The following NEK7 variants were observed in gnomAD, a reference collection of about 807,000 sequenced individuals.
NEK7 encodes serine/threonine-protein kinase Nek7.
A neutral mutation model predicts 44.6 loss-of-function variants in NEK7; 18 were observed. The observed-to-expected ratio is 0.40, with a 90% confidence interval of 0.28 to 0.60. The LOEUF (loss-of-function observed/expected upper bound fraction) is 0.60. NEK7 is among the 20% of genes least tolerant of loss of function. The pLI, the probability that NEK7 is intolerant of heterozygous loss-of-function variation, is 0.38. For missense variants in NEK7, 256 were observed against 366.5 expected (o/e 0.70, Z 2.46); for synonymous variants, 130 against 121.1 (o/e 1.07, Z -0.48).
chr1:198,302,353 C>CTT (rs76569998), intron 9 of NEK7, among the ~76,000 whole-genome samples: 50 of 139,196 alleles, frequency 3.6e-4, no homozygotes, highest in African/African-American at 1.3e-3. Context: ...TGTCCCTCTC[C>CTT]TTTTTTTTTT....
intron 8 of NEK7, 99 bp downstream of exon 8, chr1:198,293,138 A>C: frequency 3.1e-6 from 2 of 635,196 alleles, no homozygotes; most frequent in Non-Finnish European, 5.4e-6. Flanking sequence ...GATGTTTAAG[A>C]ATCACCTTTT....
At chr1:198,205,452 G>C (rs544078943) in intron 1 of NEK7, among the ~76,000 whole-genome samples, 1 of 152,256 alleles carries the variant, frequency 6.6e-6, no homozygotes, top group South Asian at 2.1e-4. Context: ...GAGGTGTTGA[G>C]TGGCCCAAGC....
At chr1:198,295,460 G>A (rs1654686347) in intron 8 of NEK7, among the ~76,000 whole-genome samples, 6 of 152,052 alleles carry the variant, frequency 3.9e-5, no homozygotes, top group Admixed American at 3.3e-4. Flanking sequence ...TGGGAGGAGA[G>A]GGCGAGCAGC....
At chr1:198,231,338 A>ATAT (rs1399954083) in intron 1 of NEK7, among the ~76,000 whole-genome samples, 174 of 112,592 alleles carry the variant, frequency 1.5e-3, no homozygotes, top group African/African-American at 2.4e-3. Flanking sequence ...TATATATATA[A>ATAT]AAACACATGA....
Position 198,319,483 on chromosome 1 carries a change from C to A in NEK7, c.870C>A (p.Asp290Glu). ...GACCAGACGTCACCTATGTTTATGA[C>A]GTAGCAAAGAGGATGCATGCATGCA... ...EKRPDVTYVY[D>E]VAKRMHACTA... The change falls in exon 10 of 10, where the codon GAC (aspartate) becomes GAA (glutamate). Residue 290 changes from aspartate (D) to glutamate (E), a missense_variant. Asp to Glu is a conservative substitution (Grantham distance 45). Around this residue, in one of 3 missense-constraint regions of NEK7, gnomAD observed 58 missense variants for 66.5 expected, o/e 0.87. Coordinates refer to ENST00000367385, the MANE Select transcript of NEK7 (RefSeq NM_133494.3). The A allele has an allele frequency of 3.7e-6, 6 of 1,612,794 alleles. No homozygotes were observed. The highest frequency in any genetic ancestry group is 5.1e-6 in the Non-Finnish European group (6 of 1,179,144).
intron 1 of NEK7, among the ~76,000 whole-genome samples, chr1:198,229,520 G>C (rs1265259867): frequency 6.6e-6 from 1 of 152,104 alleles, no homozygotes; most frequent in Non-Finnish European, 1.5e-5. Context: ...TTGTGGGACT[G>C]AGCCCTTAAC....
intron 5 of NEK7, among the ~76,000 whole-genome samples, chr1:198,264,905 G>A (rs931033608): frequency 2.0e-5 from 3 of 151,958 alleles, no homozygotes; most frequent in Admixed American, 6.6e-5. Flanking sequence ...TAGGATTGTT[G>A]TAATGATTGA....
Position 198,293,047 on chromosome 1 carries a change from A to C in NEK7, c.684+8A>C, listed in dbSNP as rs770889165. 9 of 1,375,218 alleles carry C rather than the reference A, an allele frequency of 6.5e-6. No homozygotes were observed. Among genetic ancestry groups the C allele is most frequent in the Middle Eastern group, 3.6e-4 (2 of 5,610 alleles). The allele number at this position is 1,375,218 out of a possible 1,614,324, so 85.2% of individuals were successfully genotyped here. ...GGCTGTCTACTATATGAGGTAGGTA[A>C]TGTTGATAAATTCCAAATATTGATG... On this transcript the variant is annotated splice_region_variant and intron_variant, in intron 8 of 9. Transcript: ENST00000367385.
chr1:198,196,825 C>T lies in NEK7; in HGVS notation c.-28-35728C>T, dbSNP rs770619858. 4.6e-5 allele frequency among the ~76,000 whole-genome samples: 7 copies of T among 152,078 alleles called. 1 individual carries two copies. Among genetic ancestry groups the T allele is most frequent in the Admixed American group, 2.0e-4 (3 of 15,274 alleles). On this transcript the variant is annotated intron_variant, in intron 1 of 9. Coordinates refer to ENST00000367385, the MANE Select transcript of NEK7 (RefSeq NM_133494.3). ...GGCAGATGAGTAATTAGCTTTTTAG[C>T]GGCTGAGGTAGAGGCATGCAAGGAA...
chr1:198,310,524 A>G (rs1261752725), intron 9 of NEK7, among the ~76,000 whole-genome samples: 1 of 133,184 alleles, frequency 7.5e-6, no homozygotes, highest in Non-Finnish European at 1.6e-5. Flanking sequence ...TGCCCATGGT[A>G]TGTCCTGAAT....
At chr1:198,199,655 C>G (rs1665358795) in intron 1 of NEK7, among the ~76,000 whole-genome samples, 1 of 151,888 alleles carries the variant, frequency 6.6e-6, no homozygotes, top group Non-Finnish European at 1.5e-5. Flanking sequence ...TTACGTCTTG[C>G]TGACGTGTAT....
At chr1:198,294,689 T>C (rs1290052201) in intron 8 of NEK7, among the ~76,000 whole-genome samples, 1 of 152,162 alleles carries the variant, frequency 6.6e-6, no homozygotes, top group East Asian at 1.9e-4. Flanking sequence ...CATTTTTGTA[T>C]GGACTTAAAA....
At chr1:198,176,701 A>G (rs1254719209) in intron 1 of NEK7, among the ~76,000 whole-genome samples, 1 of 152,126 alleles carries the variant, frequency 6.6e-6, no homozygotes, top group Non-Finnish European at 1.5e-5. Flanking sequence ...TGGGATAAAC[A>G]GAGTGATGAT....
chr1:198,168,836 A>G (rs1480831694), intron 1 of NEK7, among the ~76,000 whole-genome samples: 4 of 152,216 alleles, frequency 2.6e-5, no homozygotes, highest in Non-Finnish European at 4.4e-5. Flanking sequence ...AGTGAGAGAG[A>G]AAAACCTAGA....
In NEK7 at chr1:198,249,159, C is replaced by T. The variant is rs540412638; in HGVS notation, c.58-3881C>T. On this transcript the variant is annotated intron_variant, in intron 2 of 9. Coordinates refer to ENST00000367385, the MANE Select transcript of NEK7 (RefSeq NM_133494.3). ...TGCGGTGTTTGGTTTTTTGTTCTTG[C>T]GATAGTTTACTGAGAATGATGATTT... Among the ~76,000 whole-genome samples, 417 of 150,552 alleles carry T rather than the reference C, an allele frequency of 2.8e-3. 2 individuals are homozygous for T. Among genetic ancestry groups the T allele is most frequent in the Middle Eastern group, 3.4e-3 (1 of 292 alleles).
At chr1:198,237,714 C>G (rs1018849022) in intron 2 of NEK7, among the ~76,000 whole-genome samples, 1 of 152,140 alleles carries the variant, frequency 6.6e-6, no homozygotes, top group Non-Finnish European at 1.5e-5. Context: ...TTAATCTATT[C>G]CCAATACAGC....
intron 9 of NEK7, among the ~76,000 whole-genome samples, chr1:198,317,413 T>C (rs1655401836): frequency 6.6e-6 from 1 of 152,212 alleles, no homozygotes; most frequent in South Asian, 2.1e-4. Context: ...CTTTCTCCCT[T>C]TTTGTTATTC....
At chr1:198,254,290 T>G (rs1463272308) in intron 3 of NEK7, among the ~76,000 whole-genome samples, 1 of 152,206 alleles carries the variant, frequency 6.6e-6, no homozygotes, top group African/African-American at 2.4e-5. Context: ...TGCTACTCCC[T>G]TCCCTCAGAG....
chr1:198,259,093 C>T (rs780892338), intron 3 of NEK7, among the ~76,000 whole-genome samples: 10 of 152,086 alleles, frequency 6.6e-5, no homozygotes, highest in Non-Finnish European at 1.5e-4. Context: ...ATGCTTATTT[C>T]TCCCTGTGTT....
Sources: gnomAD v4.1 joint callset for allele counts (sites outside exome capture counted in the v4.1 genomes callset) on GRCh38, gnomAD v4.1.1 for gene constraint, gnomAD v4.1.1 regional missense constraint, MANE v1.5 for transcripts, NCBI Gene and HGNC (gene_info 2026-07-23, HGNC 2026-07-21) for gene names.